Variants in CCDC134 observed in about 807,000 individuals in gnomAD.
CCDC134 encodes the protein coiled-coil domain-containing protein 134.
Under a neutral mutation model 25.6 loss-of-function variants are expected in CCDC134, and 27 were observed. That is an observed-to-expected ratio of 1.05 (90% confidence interval 0.78 to 1.45). The LOEUF (loss-of-function observed/expected upper bound fraction) is 1.45. Among genes scored for constraint, CCDC134 ranks in the 40% most tolerant of loss-of-function variants. CCDC134 has a pLI of 0.00. For missense variants in CCDC134, 261 were observed against 286.7 expected, an observed-to-expected ratio of 0.91 and a Z score of 0.65; for synonymous variants, 110 against 115.0, an observed-to-expected ratio of 0.96 and a Z score of 0.28.
At chr22:41,818,216 G>T (rs910344517) in intron 6 of CCDC134, among the ~76,000 whole-genome samples, 4 of 152,230 alleles carry the variant, frequency 2.6e-5, no homozygotes, top group South Asian at 2.1e-4. Context: ...CATTCCTCCC[G>T]CAATTAGTTG....
chr22:41,806,082 C>T (rs920159412), intron 1 of CCDC134, among the ~76,000 whole-genome samples: 1 of 151,812 alleles, frequency 6.6e-6, no homozygotes, highest in African/African-American at 2.4e-5. Context: ...TTTTTAGAAA[C>T]TTGTATTTAA....
rs2076535372 is a variant in CCDC134 at position 41,800,699 on chromosome 22, G to C, written c.-84G>C. ...CTTTCAGTTGCTTTGCTGTTAGCCTGTTGGACCTTCGAGCCTAGCTGCTCG... is the reference window on the plus strand; with the variant it reads ...CTTTCAGTTGCTTTGCTGTTAGCCTCTTGGACCTTCGAGCCTAGCTGCTCG... On this transcript the variant is annotated 5_prime_UTR_variant, in exon 1 of 7. Coordinates refer to ENST00000255784, the MANE Select transcript of CCDC134 (RefSeq NM_024821.5). The C allele has an allele frequency of 6.6e-6, 1 of 152,400 alleles. No homozygotes were observed. Among genetic ancestry groups the C allele is most frequent in the African/African-American group, 2.4e-5 (1 of 41,478 alleles). 9.4% of individuals were successfully genotyped at this position (152,400 alleles called of 1,614,324 possible).
intron 3 of CCDC134, 24 bp from the exon 4 acceptor site, chr22:41,810,183 T>G: frequency 6.2e-7 from 1 of 1,612,722 alleles, no homozygotes; most frequent in Non-Finnish European, 8.5e-7. Context: ...GCGAAGCCAC[T>G]CAGCCCTGGC....
At chr22:41,807,003 G>A (rs1219988193) in intron 1 of CCDC134, among the ~76,000 whole-genome samples, 1 of 152,256 alleles carries the variant, frequency 6.6e-6, no homozygotes, top group African/African-American at 2.4e-5. Context: ...AGCCGAGATC[G>A]TGCCATTGCT....
chr22:41,829,335 C>A lies in CCDC134; in HGVS notation c.*3512C>A, dbSNP rs1468882695. Among the ~76,000 whole-genome samples the A allele has an allele frequency of 1.3e-5, 2 of 152,294 alleles. No individual in the cohort carries two copies. The highest frequency in any genetic ancestry group is 3.9e-4 in the East Asian group (2 of 5,180). ...GACTCTCTCTTCCGGATTCTTCTTT[C>A]CTCACCTGCCCCCGTTTGCATGAAG... On this transcript the variant is annotated 3_prime_UTR_variant, in exon 7 of 7. Coordinates refer to ENST00000255784, the MANE Select transcript of CCDC134 (RefSeq NM_024821.5).
chr22:41,813,880 C>G (rs755754669), intron 6 of CCDC134, 58 bp downstream of exon 6: 12 of 1,520,194 alleles, frequency 7.9e-6, no homozygotes, highest in Non-Finnish European at 1.1e-5. Context: ...CATAGGACAC[C>G]GAGGCCTGCA....
chr22:41,805,338 A>G (rs1221092509), intron 1 of CCDC134, among the ~76,000 whole-genome samples: 1 of 152,150 alleles, frequency 6.6e-6, no homozygotes, highest in Non-Finnish European at 1.5e-5. Flanking sequence ...AGACTGAGGA[A>G]GGAGAATTGA....
At chr22:41,807,647 A>G (rs1209638227) in intron 1 of CCDC134, among the ~76,000 whole-genome samples, 1 of 152,108 alleles carries the variant, frequency 6.6e-6, no homozygotes, top group Admixed American at 6.6e-5. Flanking sequence ...GCATCCTTTC[A>G]AGGGGAGAAA....
intron 4 of CCDC134, among the ~76,000 whole-genome samples, chr22:41,812,619 G>A (rs2076602580): frequency 6.6e-6 from 1 of 151,718 alleles, no homozygotes; most frequent in Non-Finnish European, 1.5e-5. Context: ...GCAACAAAGT[G>A]AGACCTCACC....
At chr22:41,813,628 G>A in intron 5 of CCDC134, 123 bp from the exon 6 acceptor site, 1 of 1,226,762 alleles carries the variant, frequency 8.2e-7, no homozygotes, top group Non-Finnish European at 1.2e-6. Context: ...AGTTCCCATG[G>A]GATCATCATG....
intron 6 of CCDC134, among the ~76,000 whole-genome samples, chr22:41,823,137 C>T (rs1202537345): frequency 6.6e-6 from 1 of 151,124 alleles, no homozygotes; most frequent in Non-Finnish European, 1.5e-5. Flanking sequence ...CTATGTATTA[C>T]AAACCAATTT....
chr22:41,804,050 G>A (rs1050253283), intron 1 of CCDC134, among the ~76,000 whole-genome samples: 7 of 151,830 alleles, frequency 4.6e-5, no homozygotes, highest in African/African-American at 9.7e-5. Context: ...GGAAAATGGC[G>A]TGAACCTGGA....
intron 1 of CCDC134, among the ~76,000 whole-genome samples, chr22:41,803,189 G>C (rs1359026169): frequency 6.6e-6 from 1 of 152,172 alleles, no homozygotes; most frequent in Non-Finnish European, 1.5e-5. Flanking sequence ...CTTAAGCCCA[G>C]GAGTTTCAGG....
At chr22:41,820,923 A>C (rs1040861655) in intron 6 of CCDC134, among the ~76,000 whole-genome samples, 2 of 152,190 alleles carry the variant, frequency 1.3e-5, no homozygotes, top group Admixed American at 1.3e-4. Flanking sequence ...GGACACAGTC[A>C]TCTGGGGCAT....
At chr22:41,816,203 T>G (rs1243282389) in intron 6 of CCDC134, among the ~76,000 whole-genome samples, 4 of 152,190 alleles carry the variant, frequency 2.6e-5, no homozygotes, top group Admixed American at 6.5e-5. Context: ...CTCTCCCACA[T>G]GTTACGCTTG....
intron 1 of CCDC134, among the ~76,000 whole-genome samples, chr22:41,801,613 T>C (rs1054437041): frequency 2.0e-5 from 3 of 152,180 alleles, no homozygotes; most frequent in Non-Finnish European, 2.9e-5. Context: ...TATGTAATCT[T>C]GTACCTGACC....
At chr22:41,802,798 C>T (rs1167507418) in intron 1 of CCDC134, among the ~76,000 whole-genome samples, 1 of 151,866 alleles carries the variant, frequency 6.6e-6, no homozygotes, top group Non-Finnish European at 1.5e-5. Context: ...CCTGTAGTCC[C>T]AGCTACTTGG....
rs2076577949 is a variant in CCDC134 at position 41,808,250 on chromosome 22, AAGTG to A, written c.-16-617_-16-614del. On this transcript the variant is annotated intron_variant, in intron 1 of 6. Coordinates refer to ENST00000255784, the MANE Select transcript of CCDC134 (RefSeq NM_024821.5). ...ATTCTATGTAGTACCTATGGTTCCAAAGTGAGTGAGTAGCAAGCCCCCTTACCCC... is the reference window on the plus strand; with the variant it reads ...ATTCTATGTAGTACCTATGGTTCCAAAGTGAGTAGCAAGCCCCCTTACCCC... Among the ~76,000 whole-genome samples, 3 of 152,152 alleles carry A rather than the reference AAGTG, an allele frequency of 2.0e-5. No homozygotes were observed. In the South Asian group the frequency reaches 6.2e-4, roughly 32 times the overall value.
chr22:41,812,672 A>G (rs2148311477), intron 4 of CCDC134, among the ~76,000 whole-genome samples: 1 of 152,242 alleles, frequency 6.6e-6, no homozygotes, highest in South Asian at 2.1e-4. Context: ...TCATTCATTC[A>G]TTCAAAATAA....
Sources: gnomAD v4.1 joint callset for allele counts (sites outside exome capture counted in the v4.1 genomes callset) on GRCh38, gnomAD v4.1.1 for gene constraint, MANE v1.5 for transcripts, NCBI Gene and HGNC (gene_info 2026-07-23, HGNC 2026-07-21) for gene names.